Variants in OTOGL observed in about 807,000 individuals in gnomAD.
OTOGL encodes otogelin-like protein.
In OTOGL, 285 loss-of-function variants were observed where a neutral mutation model predicts 318.5. The ratio of observed to expected loss-of-function variants is 0.89; its 90% CI spans 0.81 to 0.99. OTOGL has a LOEUF of 0.99. OTOGL is among the 50% of genes least tolerant of loss of function. The pLI, the probability that OTOGL is intolerant of heterozygous loss-of-function variation, is 0.00. For synonymous variants in OTOGL, 987 were observed against 936.5 expected (o/e 1.05, Z -0.99); for missense variants, 2,899 against 2,845.6 (o/e 1.02, Z -0.43).
intron 52 of OTOGL, among the ~76,000 whole-genome samples, chr12:80,364,035 A>G (rs1890386249): frequency 6.6e-6 from 1 of 151,898 alleles, no homozygotes; most frequent in Non-Finnish European, 1.5e-5. Context: ...TTCCAACTCA[A>G]CCCTCAATGT....
intron 18 of OTOGL, among the ~76,000 whole-genome samples, 160 bp downstream of exon 18, chr12:80,258,162 A>G (rs1882229629): frequency 6.6e-6 from 1 of 152,114 alleles, no homozygotes; most frequent in Admixed American, 6.6e-5. Flanking sequence ...ATCTCTGATA[A>G]ATATGTTTAT....
At chr12:80,185,052 A>G (rs1875190238) in intron 1 of OTOGL, among the ~76,000 whole-genome samples, 2 of 152,178 alleles carry the variant, frequency 1.3e-5, no homozygotes, top group Admixed American at 6.5e-5. Flanking sequence ...TCCTCTATAT[A>G]TGGAGGCAAC....
chr12:80,352,036 G>C (rs539385427), intron 44 of OTOGL, among the ~76,000 whole-genome samples: 1 of 152,236 alleles, frequency 6.6e-6, no homozygotes, highest in African/African-American at 2.4e-5. Flanking sequence ...ATAAATTTTT[G>C]CTTGGCTCCA....
intron 44 of OTOGL, among the ~76,000 whole-genome samples, chr12:80,348,582 A>G (rs1192863313): frequency 6.6e-6 from 1 of 152,142 alleles, no homozygotes; most frequent in Non-Finnish European, 1.5e-5. Context: ...GCAGAATAGT[A>G]TCTTAAAATT....
At chr12:80,138,430 A>G (rs1871717296) in intron 1 of OTOGL, among the ~76,000 whole-genome samples, 1 of 152,200 alleles carries the variant, frequency 6.6e-6, no homozygotes, top group South Asian at 2.1e-4. Flanking sequence ...CAACGTAACT[A>G]TCAGTGTTAT....
chr12:80,219,331 C>T (rs928892392), intron 5 of OTOGL, among the ~76,000 whole-genome samples: 3 of 152,174 alleles, frequency 2.0e-5, no homozygotes, highest in Admixed American at 1.3e-4. Flanking sequence ...AGGCTGGTCT[C>T]GAACTCCTGA....
chr12:80,141,943 G>A (rs1871973367), intron 1 of OTOGL, among the ~76,000 whole-genome samples: 1 of 152,034 alleles, frequency 6.6e-6, no homozygotes, highest in South Asian at 2.1e-4. Flanking sequence ...AATGAAATGA[G>A]AAAGAAACTG....
intron 54 of OTOGL, 78 bp downstream of exon 54, chr12:80,367,817 A>G: frequency 1.0e-6 from 1 of 955,652 alleles, no homozygotes; most frequent in Non-Finnish European, 1.4e-6. Context: ...TGAAATGGTG[A>G]ATACTCCATT....
At chr12:80,147,251 T>C (rs942319085) in intron 1 of OTOGL, among the ~76,000 whole-genome samples, 2 of 149,924 alleles carry the variant, frequency 1.3e-5, no homozygotes, top group African/African-American at 2.5e-5. Context: ...TCTGGTATGT[T>C]GTGTCTTTGT....
chr12:80,319,879 T>C (rs1887210750), intron 33 of OTOGL, among the ~76,000 whole-genome samples: 1 of 152,158 alleles, frequency 6.6e-6, no homozygotes, highest in Non-Finnish European at 1.5e-5. Context: ...TGGACAATAA[T>C]GTTGGATAAA....
At position 80,296,880 on chromosome 12, in the gene OTOGL, C is replaced by T. The variant is rs766481741; in HGVS notation, c.2982C>T (p.Asp994=). ...TTGCCCAGAACAAGAAATGCTTTGACAACGATATTGTTTGTTCTAAAAGTG... is the reference window on the plus strand; with the variant it reads ...TTGCCCAGAACAAGAAATGCTTTGATAACGATATTGTTTGTTCTAAAAGTG... ...SVIAQNKKCF[D]NDIVCSKSVL... Residue 994 remains aspartate, a synonymous_variant, in exon 27 of 59, where the codon GAC becomes GAT. Coordinates refer to ENST00000547103, the MANE Select transcript of OTOGL (RefSeq NM_001378609.3). 9.1e-6 allele frequency: 14 copies of T among 1,530,394 alleles called. No individual in the cohort carries two copies. The Admixed American group carries it at 2.7e-4, about 30-fold the overall frequency. The allele number at this position is 1,530,394 out of a possible 1,614,324, so 94.8% of individuals were successfully genotyped here. A position where few individuals can be genotyped will look rare whatever the true frequency, so the allele number is the denominator to read the frequency against.
intron 44 of OTOGL, among the ~76,000 whole-genome samples, chr12:80,343,091 G>A (rs1311045728): frequency 6.6e-6 from 1 of 152,090 alleles, no homozygotes; most frequent in Admixed American, 6.5e-5. Flanking sequence ...AGCCAGGATG[G>A]TCTCGATCTC....
chr12:80,190,533 A>T (rs1875600618), intron 1 of OTOGL, among the ~76,000 whole-genome samples: 1 of 152,134 alleles, frequency 6.6e-6, no homozygotes, highest in African/African-American at 2.4e-5. Context: ...CACGCCTGTA[A>T]TCCCAGCACT....
intron 56 of OTOGL, 106 bp downstream of exon 56, chr12:80,370,795 G>A (rs572292099): frequency 1.8e-5 from 14 of 799,648 alleles, no homozygotes; most frequent in East Asian, 9.7e-5. Context: ...ACATAATGGC[G>A]AATGTGTTAT....
intron 26 of OTOGL, among the ~76,000 whole-genome samples, chr12:80,286,757 TAAAC>T (rs1884659572): frequency 6.6e-6 from 1 of 152,098 alleles, no homozygotes; most frequent in Non-Finnish European, 1.5e-5. Flanking sequence ...TCTATGCAAA[TAAAC>T]TAGAAAATCT....
intron 52 of OTOGL, among the ~76,000 whole-genome samples, chr12:80,359,420 T>G (rs866733493): frequency 6.6e-6 from 1 of 152,174 alleles, no homozygotes; most frequent in African/African-American, 2.4e-5. Flanking sequence ...ACTTTACAAG[T>G]CTTTGTTTTC....
chr12:80,185,952 A>C (rs1378185695), intron 1 of OTOGL, among the ~76,000 whole-genome samples: 1 of 152,224 alleles, frequency 6.6e-6, no homozygotes, highest in African/African-American at 2.4e-5. Flanking sequence ...GTTAGATGAG[A>C]TCAAGAAGAT....
chr12:80,210,742 T>A, intron 2 of OTOGL, 105 bp from the exon 3 acceptor site: 1 of 877,750 alleles, frequency 1.1e-6, no homozygotes, highest in Non-Finnish European at 1.6e-6. Flanking sequence ...CAAACTTCAA[T>A]CAGAATTTTA....
chr12:80,223,649 T>A (rs1878563469), intron 7 of OTOGL, among the ~76,000 whole-genome samples: 1 of 152,174 alleles, frequency 6.6e-6, no homozygotes. Context: ...GGTATTGTAT[T>A]GTGGTTTTCA....
Sources: allele counts gnomAD v4.1 joint callset (sites outside exome capture counted in the v4.1 genomes callset), GRCh38; gene constraint gnomAD v4.1.1; transcripts MANE v1.5; gene names NCBI Gene and HGNC (gene_info 2026-07-23, HGNC 2026-07-21).